ABCA1: variants seen among roughly 807,000 people sequenced by gnomAD.
ABCA1 encodes ATP binding cassette subfamily A member 1, also known as phospholipid-transporting ATPase ABCA1.
ABCA1 carries 133 observed loss-of-function variants against 262.5 expected under a neutral mutation model. The observed-to-expected ratio is 0.51, with a 90% CI of 0.44 to 0.59. The LOEUF is 0.59. ABCA1 is among the 20% of genes least tolerant of loss of function. The pLI is 0.00. For missense variants in ABCA1, 2,452 were observed against 2,777.5 expected (o/e 0.88, Z 2.63); for synonymous variants, 1,022 against 1,043.5 (o/e 0.98, Z 0.40).
chr9:104,807,650 C>T (rs1008672111), intron 30 of ABCA1, among the ~76,000 whole-genome samples: 4 of 151,754 alleles, frequency 2.6e-5, no homozygotes, highest in Admixed American at 6.6e-5. Flanking sequence ...TCCATCTCTA[C>T]TAAAATTAGA....
At chr9:104,889,072 G>A (rs1442073528) in intron 3 of ABCA1, 30 bp downstream of exon 3, 5 of 1,584,948 alleles carry the variant, frequency 3.2e-6, no homozygotes, top group Non-Finnish European at 4.3e-6. Context: ...TGCCATTGGT[G>A]AGTCTCAGGC....
intron 18 of ABCA1, among the ~76,000 whole-genome samples, chr9:104,823,004 G>A (rs1832502493): frequency 6.6e-6 from 1 of 151,356 alleles, no homozygotes; most frequent in African/African-American, 2.4e-5. Flanking sequence ...ACTCAGCAGT[G>A]AAGAGGAATG....
At chr9:104,864,776 C>T (rs954168772) in intron 5 of ABCA1, among the ~76,000 whole-genome samples, 3 of 152,106 alleles carry the variant, frequency 2.0e-5, no homozygotes, top group Non-Finnish European at 2.9e-5. Context: ...CCAGGCCACC[C>T]CTGCAATGGG....
Position 104,800,530 on chromosome 9 carries a change from C to T in ABCA1, c.4753G>A (p.Asp1585Asn). 1 of 1,614,040 alleles carries T rather than the reference C, an allele frequency of 6.2e-7. No individual in the cohort carries two copies. Among genetic ancestry groups the T allele is most frequent in the South Asian group, 1.1e-5 (1 of 91,068 alleles). Residue 1585 changes from aspartate (D) to asparagine (N), a missense_variant, in exon 35 of 50, where the codon GAC (aspartate) becomes AAC (asparagine). This residue lies in a region of ABCA1 where 752 missense variants were observed against 944.5 expected (regional missense o/e 0.80). Coordinates refer to ENST00000374736, the MANE Select transcript of ABCA1 (RefSeq NM_005502.4). ...TTTACCTTGACATTATTTTTGGTGT[C>T]CAGTCCTGTCATAAATCTTCCCAAG... The part of the protein sequence containing the change: ...NSLGRFMTGL[D>N]TKNNVKVWFN...
Position 104,845,577 on chromosome 9 carries a change from G to A in ABCA1, c.721-8C>T. On this transcript the variant is annotated splice_polypyrimidine_tract_variant and splice_region_variant and intron_variant, in intron 7 of 49. Transcript: ENST00000374736. ...TGTAGAGTTTAGTGTTCTCTGTAAT[G>A]AGAAAGAAAACTTTGTTTCTGAATT... 6.3e-7 allele frequency: 1 copy of A among 1,595,550 alleles called. No individual in the cohort carries two copies. Among genetic ancestry groups the A allele is most frequent in the African/African-American group, 1.3e-5 (1 of 74,628 alleles).
intron 7 of ABCA1, chr9:104,855,553 ACTC>A (rs781234602): frequency 3.9e-6 from 4 of 1,021,278 alleles, no homozygotes; most frequent in Non-Finnish European, 5.4e-6. Flanking sequence ...AATTTCTACT[ACTC>A]ATGTCAATTA....
intron 29 of ABCA1, 22 bp from the exon 30 acceptor site, chr9:104,809,586 C>T (rs780369054): frequency 3.1e-6 from 5 of 1,592,586 alleles, no homozygotes; most frequent in East Asian, 2.2e-5. Flanking sequence ...TGAGAGGCAG[C>T]CAGCTTAGTA....
At chr9:104,870,033 T>C (rs1328952109) in intron 5 of ABCA1, among the ~76,000 whole-genome samples, 1 of 152,122 alleles carries the variant, frequency 6.6e-6, no homozygotes, top group African/African-American at 2.4e-5. Context: ...GTGGATAAAG[T>C]CATAGATGAC....
intron 5 of ABCA1, among the ~76,000 whole-genome samples, chr9:104,862,270 A>T (rs1040424353): frequency 7.5e-5 from 11 of 145,906 alleles, no homozygotes; most frequent in African/African-American, 2.8e-4. Flanking sequence ...TGACTGGCAA[A>T]TTTTTTTTTT....
At chr9:104,875,930 C>T (rs1209092385) in intron 5 of ABCA1, among the ~76,000 whole-genome samples, 1 of 152,200 alleles carries the variant, frequency 6.6e-6, no homozygotes, top group Non-Finnish European at 1.5e-5. Context: ...GCATATTCAG[C>T]AGGTCTAGAA....
intron 1 of ABCA1, among the ~76,000 whole-genome samples, chr9:104,906,755 A>T (rs1588567887): frequency 6.6e-6 from 1 of 151,892 alleles, no homozygotes; most frequent in Non-Finnish European, 1.5e-5. Flanking sequence ...AAAATCAAAA[A>T]AAAAAAAAAA....
chr9:104,895,308 G>A (rs1840099270), intron 2 of ABCA1, among the ~76,000 whole-genome samples: 1 of 152,232 alleles, frequency 6.6e-6, no homozygotes, highest in South Asian at 2.1e-4. Flanking sequence ...GATAATATGA[G>A]CAGGCACTGC....
chr9:104,830,851 A>T (rs1833234214), intron 14 of ABCA1, 74 bp downstream of exon 14: 2 of 1,526,380 alleles, frequency 1.3e-6, no homozygotes, highest in African/African-American at 1.4e-5. Flanking sequence ...ATGCATGCAC[A>T]TGCACACACA....
At chr9:104,800,223 C>A (rs1331616846) in intron 35 of ABCA1, among the ~76,000 whole-genome samples, 1 of 152,180 alleles carries the variant, frequency 6.6e-6, no homozygotes, top group African/African-American at 2.4e-5. Context: ...TCATTGAATT[C>A]TCACAACAGT....
chr9:104,909,408 GA>G (rs1174714433), intron 1 of ABCA1, among the ~76,000 whole-genome samples: 3 of 152,152 alleles, frequency 2.0e-5, no homozygotes, highest in African/African-American at 7.2e-5. Context: ...AGAGTAAGGG[GA>G]CAGAGAGTAA....
Position 104,786,964 on chromosome 9 carries a change from T to C in ABCA1, c.6217A>G (p.Thr2073Ala). ...CGCCGGGCTTTGGGATCCATGCCTG[T>C]GGTGGGTTCATCCTGTAATTAGAAT... Reference protein sequence around the residue: ...PPVVFLDEPTTGMDPKARRFL... With the variant: ...PPVVFLDEPTAGMDPKARRFL... Residue 2073 changes from threonine to alanine, a missense_variant, in exon 47 of 50, where the codon ACA becomes GCA. By Grantham distance (58) the Thr-to-Ala change is moderately conservative (BLOSUM62 0). This residue lies in a region of ABCA1 where 752 missense variants were observed against 944.5 expected (regional missense o/e 0.80). Transcript: ENST00000374736. 6.2e-7 allele frequency: 1 copy of C among 1,613,980 alleles called. No individual in the cohort carries two copies.
At chr9:104,903,957 G>A (rs140049903) in intron 1 of ABCA1, among the ~76,000 whole-genome samples, 186 bp from the exon 2 acceptor site, 251 of 152,306 alleles carry the variant, frequency 1.6e-3, no homozygotes, top group African/African-American at 5.4e-3. Context: ...AGAGGGACTC[G>A]GGAGGTGTTC....
intron 18 of ABCA1, among the ~76,000 whole-genome samples, chr9:104,823,668 G>C (rs538373540): frequency 6.6e-6 from 1 of 152,116 alleles, no homozygotes; most frequent in Non-Finnish European, 1.5e-5. Context: ...GCAAGTTAGA[G>C]AGAAAGTTCT....
At chr9:104,873,002 C>T (rs756355783) in intron 5 of ABCA1, among the ~76,000 whole-genome samples, 4 of 152,224 alleles carry the variant, frequency 2.6e-5, no homozygotes, top group African/African-American at 4.8e-5. Context: ...TCCCCACCCC[C>T]ACCTGCTTAC....
Sources: gnomAD v4.1 joint callset for allele counts (sites outside exome capture counted in the v4.1 genomes callset) on GRCh38, gnomAD v4.1.1 for gene constraint, gnomAD v4.1.1 regional missense constraint, MANE v1.5 for transcripts, NCBI Gene and HGNC (gene_info 2026-07-23, HGNC 2026-07-21) for gene names.